Variants in ZZZ3 observed in about 807,000 individuals in gnomAD.
The protein encoded by ZZZ3 is ZZ-type zinc finger-containing protein 3.
In ZZZ3, 22 loss-of-function variants were observed where a neutral mutation model predicts 95.2. The observed-to-expected ratio is 0.23, with a 90% CI of 0.17 to 0.33. The LOEUF is 0.33. ZZZ3 is among the 10% of genes least tolerant of loss of function. The probability of loss-of-function intolerance (pLI) is 1.00; values close to 1 mark genes in which losing one functional copy is unlikely to be tolerated. For synonymous variants in ZZZ3, 335 were observed against 358.9 expected (o/e 0.93, Z 0.75); for missense variants, 885 against 1,066.5 (o/e 0.83, Z 2.37).
intron 9 of ZZZ3, chr1:77,580,212 T>G (rs4949816): frequency 6.6e-6 from 1 of 152,102 alleles, no homozygotes; most frequent in East Asian, 1.9e-4. Flanking sequence ...AACTGTTAAA[T>G]GTATAGCTGT....
chr1:77,641,340 G>A, intron 3 of ZZZ3, 44 bp downstream of exon 3: 1 of 383,562 alleles, frequency 2.6e-6, no homozygotes, highest in Non-Finnish European at 4.6e-6. Flanking sequence ...TATTTAGCAG[G>A]CAAGAACATC....
rs765188318 is a variant in ZZZ3, at chr1:77,579,646, C to A, written c.1981-18G>T. 28 of 1,410,546 alleles carry A rather than the reference C, an allele frequency of 2.0e-5. No homozygotes were observed. The highest frequency in any genetic ancestry group is 2.6e-5 in the Non-Finnish European group (27 of 1,034,804). 87.4% of individuals were successfully genotyped at this position (1,410,546 alleles called of 1,614,324 possible). A position where few individuals can be genotyped will look rare whatever the true frequency, so the allele number is the denominator to read the frequency against. On this transcript the variant is annotated intron_variant, in intron 9 of 14. Transcript: ENST00000370801. ...AGCTTTTTCTAAGCCATACCCAAGACCAAATTTAAGAAAATATGTATTTAA... is the reference window on the plus strand; with the variant it reads ...AGCTTTTTCTAAGCCATACCCAAGAACAAATTTAAGAAAATATGTATTTAA...
intron 5 of ZZZ3, among the ~76,000 whole-genome samples, chr1:77,617,576 C>G (rs558391615): frequency 6.6e-6 from 1 of 152,090 alleles, no homozygotes; most frequent in Non-Finnish European, 1.5e-5. Context: ...AATTGTGCTG[C>G]TGTGAACATC....
At chr1:77,669,672 G>A (rs530980649) in intron 1 of ZZZ3, among the ~76,000 whole-genome samples, 1 of 151,976 alleles carries the variant, frequency 6.6e-6, no homozygotes, top group African/African-American at 2.4e-5. Context: ...TGGCCAGGCT[G>A]GTCTTGAACT....
intron 4 of ZZZ3, among the ~76,000 whole-genome samples, chr1:77,633,759 AGTAAG>A (rs1463637759): frequency 6.6e-6 from 1 of 152,224 alleles, no homozygotes; most frequent in Non-Finnish European, 1.5e-5. Flanking sequence ...TCACAACTCT[AGTAAG>A]TAGCAAGGCA....
intron 6 of ZZZ3, among the ~76,000 whole-genome samples, chr1:77,583,514 C>G (rs551449652): frequency 6.6e-6 from 1 of 152,112 alleles, no homozygotes; most frequent in East Asian, 1.9e-4. Flanking sequence ...ATATCTATTA[C>G]GATATTCAAT....
chr1:77,625,302 T>C lies in ZZZ3; in HGVS notation c.1505+6548A>G, dbSNP rs541763350. Among the ~76,000 whole-genome samples the C allele has an allele frequency of 2.2e-4, 34 of 152,202 alleles. No individual in the cohort carries two copies. In the South Asian group the frequency reaches 6.4e-3, roughly 29 times the overall value. On this transcript the variant is annotated intron_variant, in intron 5 of 14. Coordinates refer to ENST00000370801, the MANE Select transcript of ZZZ3 (RefSeq NM_015534.6). ...AACACAGCCCCTAAACCGGAAAGCA[T>C]ACAAACAAGAAAACACAATCAAACA...
At chr1:77,659,622 G>A (rs1242569073) in intron 1 of ZZZ3, among the ~76,000 whole-genome samples, 1 of 150,788 alleles carries the variant, frequency 6.6e-6, no homozygotes, top group African/African-American at 2.4e-5. Flanking sequence ...GGTGGAGGTT[G>A]CAGTGAGCCG....
Position 77,570,501 on chromosome 1 carries a change from C to T in ZZZ3, c.2332-2035G>A, listed in dbSNP as rs574156100. On this transcript the variant is annotated intron_variant, in intron 12 of 14. Coordinates refer to ENST00000370801, the MANE Select transcript of ZZZ3 (RefSeq NM_015534.6). ...AAATCGGTCCTCTAGTATCCACCCC[C>T]TCCTTTGCCCCTTACCATTACTTAA... Among the ~76,000 whole-genome samples the T allele has an allele frequency of 1.0e-3, 153 of 152,224 alleles. 1 individual carries two copies. Among genetic ancestry groups the T allele is most frequent in the African/African-American group, 3.4e-3 (143 of 41,532 alleles).
chr1:77,641,227 G>A (rs1668751537), intron 3 of ZZZ3, 157 bp downstream of exon 3: 2 of 232,982 alleles, frequency 8.6e-6, no homozygotes, highest in Admixed American at 5.6e-5. Context: ...GTATATCTCT[G>A]AGCATACTGG....
chr1:77,588,988 T>C (rs940795435), intron 5 of ZZZ3, among the ~76,000 whole-genome samples: 2 of 152,108 alleles, frequency 1.3e-5, no homozygotes, highest in African/African-American at 4.8e-5. Flanking sequence ...CAAGCAATCC[T>C]CTCACTTCAG....
intron 5 of ZZZ3, among the ~76,000 whole-genome samples, chr1:77,597,608 T>C (rs1479692928): frequency 1.3e-5 from 2 of 152,184 alleles, no homozygotes; most frequent in Non-Finnish European, 2.9e-5. Context: ...ATTTTACTTC[T>C]ATTGTTTTCC....
intron 5 of ZZZ3, among the ~76,000 whole-genome samples, chr1:77,594,782 C>A (rs1249924480): frequency 6.6e-6 from 1 of 151,602 alleles, no homozygotes; most frequent in Admixed American, 6.6e-5. Context: ...TTAAAAAAAT[C>A]AGGATTAAGA....
intron 12 of ZZZ3, among the ~76,000 whole-genome samples, chr1:77,573,493 A>C (rs1288340157): frequency 6.6e-6 from 1 of 152,200 alleles, no homozygotes; most frequent in Non-Finnish European, 1.5e-5. Flanking sequence ...ACGAAAATTT[A>C]TGAGCACAAA....
At chr1:77,651,233 AC>A (rs1314848456) in intron 1 of ZZZ3, among the ~76,000 whole-genome samples, 1 of 152,072 alleles carries the variant, frequency 6.6e-6, no homozygotes, top group Non-Finnish European at 1.5e-5. Flanking sequence ...AAAATAAACA[AC>A]ATTAGTTGGG....
intron 5 of ZZZ3, among the ~76,000 whole-genome samples, chr1:77,596,907 T>C (rs1030690022): frequency 6.6e-6 from 1 of 152,104 alleles, no homozygotes; most frequent in Non-Finnish European, 1.5e-5. Context: ...GCTCAGTTTA[T>C]AGATATGTGC....
intron 1 of ZZZ3, among the ~76,000 whole-genome samples, chr1:77,656,455 G>A (rs527394353): frequency 6.6e-6 from 1 of 152,192 alleles, no homozygotes; most frequent in Non-Finnish European, 1.5e-5. Flanking sequence ...AAAAGACTAG[G>A]AAAAGTCTTA....
chr1:77,620,197 T>A (rs1666710473), intron 5 of ZZZ3, among the ~76,000 whole-genome samples: 1 of 152,130 alleles, frequency 6.6e-6, no homozygotes, highest in African/African-American at 2.4e-5. Context: ...GTTAGGCATA[T>A]GAGGAGGGCC....
chr1:77,608,915 G>C (rs1342125518), intron 5 of ZZZ3, among the ~76,000 whole-genome samples: 1 of 151,752 alleles, frequency 6.6e-6, no homozygotes, highest in African/African-American at 2.4e-5. Context: ...AAAATAAAAT[G>C]GTAGAAATTA....
Sources: gnomAD v4.1 joint callset for allele counts (sites outside exome capture counted in the v4.1 genomes callset) on GRCh38, gnomAD v4.1.1 for gene constraint, MANE v1.5 for transcripts, NCBI Gene and HGNC (gene_info 2026-07-23, HGNC 2026-07-21) for gene names.